The following GUK1 variants were observed in gnomAD, a reference collection of about 807,000 sequenced individuals.
The protein encoded by GUK1 is guanylate kinase.
Under a neutral mutation model 25.2 loss-of-function variants are expected in GUK1, and 18 were observed. The ratio of observed to expected loss-of-function variants is 0.71; its 90% CI spans 0.49 to 1.06. The LOEUF (loss-of-function observed/expected upper bound fraction) is 1.06. GUK1 is among the 50% of genes least tolerant of loss of function. The probability of loss-of-function intolerance (pLI) is 0.00; values close to 1 mark genes in which losing one functional copy is unlikely to be tolerated. For missense variants in GUK1, 261 were observed against 276.7 expected, an observed-to-expected ratio of 0.94 and a Z score of 0.40; for synonymous variants, 105 against 117.6, an observed-to-expected ratio of 0.89 and a Z score of 0.69.
Position 228,147,651 on chromosome 1 carries a change from G to T in GUK1, c.427G>T (p.Glu143Ter), listed in dbSNP as rs749240104. 6.2e-7 allele frequency: 1 copy of T among 1,613,062 alleles called. No individual in the cohort carries two copies. Among genetic ancestry groups the T allele is most frequent in the African/African-American group, 1.3e-5 (1 of 75,046 alleles). ...GCGGCAGCGCAACACTGAAACCGAGGAGAGCCTGGTGAAGCGGCTGGCTGC... is the reference window on the plus strand; with the variant it reads ...GCGGCAGCGCAACACTGAAACCGAGTAGAGCCTGGTGAAGCGGCTGGCTGC... The change falls in exon 7 of 9, where the codon GAG (glutamate) becomes TAG (stop). Residue 143 changes from glutamate (E) to a stop codon, truncating the protein, a stop_gained. Transcript: ENST00000312726. LOFTEE classifies it high-confidence loss of function.
chr1:228,140,249 TG>T, upstream of GUK1: 2 of 1,444,342 alleles, frequency 1.4e-6, no homozygotes, highest in South Asian at 1.2e-5. Context: ...CGGGCGGAGG[TG>T]GGCCGGTGCG....
chr1:228,145,801 C>T (rs2034336623), intron 3 of GUK1, 177 bp downstream of exon 2: 9 of 775,852 alleles, frequency 1.2e-5, no homozygotes, highest in South Asian at 5.4e-5. Context: ...TGCTGTCCTG[C>T]GTGCCTGTGT....
At chr1:228,148,051 C>T in intron 7 of GUK1, 1 of 576,658 alleles carries the variant, frequency 1.7e-6, no homozygotes, top group Non-Finnish European at 3.1e-6. Context: ...TTCTCTGGGT[C>T]TGACTGCAGC....
Position 228,147,680 on chromosome 1 carries a change from C to T in GUK1, c.456C>T (p.Ala152=), listed in dbSNP as rs758900486. ...GCCTGGTGAAGCGGCTGGCTGCTGC[C>T]CAGGCCGACATGGAGAGCAGTGAGT... The change falls in exon 7 of 9, where the codon GCC becomes GCT. Residue 152 remains alanine (A), a synonymous_variant. Transcript: ENST00000312726. The T allele has an allele frequency of 5.0e-6, 8 of 1,612,822 alleles. No individual in the cohort carries two copies. The South Asian group carries it at 7.7e-5, about 15-fold the overall frequency.
At chr1:228,148,590 C>A in intron 8 of GUK1, 75 bp from the exon 8 acceptor site, 1 of 1,438,154 alleles carries the variant, frequency 7.0e-7, no homozygotes. Context: ...CCGAGGTCCA[C>A]GGTGGAGGGA....
rs2124948622 is a variant in GUK1, at chr1:228,146,822, T to C, written c.155-20T>C. 1 of 1,549,584 alleles carries C rather than the reference T, an allele frequency of 6.5e-7. No individual in the cohort carries two copies. The highest frequency in any genetic ancestry group is 1.4e-5 in the African/African-American group (1 of 73,808). On this transcript the variant is annotated intron_variant, in intron 4 of 8. Transcript: ENST00000312726. The stretch of plus-strand genomic sequence containing the variant: ...GTGCAGGTCCAGTCTGCCCTCTGGA[T>C]GGCCCCTCCTCTTCCCCAGATTACT...
At chr1:228,140,583 G>C (rs2033988946) in intron 1 of GUK1, among the ~76,000 whole-genome samples, 1 of 152,266 alleles carries the variant, frequency 6.6e-6, no homozygotes, top group Non-Finnish European at 1.5e-5. Context: ...CGCTCCTCAG[G>C]AGCTGGGCAG....
In GUK1 at chr1:228,148,355, C is replaced by G; in HGVS notation, c.476-16C>G. ...GCATGGGCTCACTGTGCCCTGACCC[C>G]AGGCCCCACCCACAGGCAAGGAGCC... On this transcript the variant is annotated splice_polypyrimidine_tract_variant and intron_variant, in intron 7 of 8. Transcript: ENST00000312726. The G allele has an allele frequency of 1.3e-6, 2 of 1,550,952 alleles. No homozygotes were observed. The highest frequency in any genetic ancestry group is 1.8e-6 in the Non-Finnish European group (2 of 1,138,046).
rs1339060391 is a variant in GUK1 at position 228,141,213 on chromosome 1, C to T, written c.-78C>T. 1 of 984,774 alleles carries T rather than the reference C, an allele frequency of 1.0e-6. No homozygotes were observed. Among genetic ancestry groups the T allele is most frequent in the African/African-American group, 1.7e-5 (1 of 57,196 alleles). 61.0% of individuals were successfully genotyped at this position (984,774 alleles called of 1,614,324 possible). ...TTTCTCCCTGATGGACAGACCCAAA[C>T]ATAGCCGCGCAGCATCGTGAAGGGC... On this transcript the variant is annotated 5_prime_UTR_variant, in exon 2 of 9. Coordinates refer to ENST00000312726, the MANE Select transcript of GUK1 (RefSeq NM_000858.7).
rs1440522634 is a variant in GUK1, at chr1:228,146,915, C to G, written c.228C>G (p.Phe76Leu). The G allele has an allele frequency of 1.9e-6, 3 of 1,613,134 alleles. No homozygotes were observed. Among genetic ancestry groups the G allele is most frequent in the Non-Finnish European group, 2.5e-6 (3 of 1,179,248 alleles). Reference sequence around the variant, plus strand: ...GCGACTTCATCGAGCATGCCGAGTTCTCGGGGAACCTGTATGGCACGAGGT... The same window carrying G: ...GCGACTTCATCGAGCATGCCGAGTTGTCGGGGAACCTGTATGGCACGAGGT... The change falls in exon 5 of 9, where the codon TTC (phenylalanine) becomes TTG (leucine). Residue 76 changes from phenylalanine (F) to leucine (L), a missense_variant. Transcript: ENST00000312726.
In GUK1 at chr1:228,141,846, G is replaced by A. The variant is rs146831887; in HGVS notation, c.-3+558G>A. On this transcript the variant is annotated intron_variant, in intron 2 of 8. Transcript: ENST00000312726. ...GCCTGGCAGGTCCTTACAGTTGTGG[G>A]TTGTGTGGCTTCTTGCCAGGCAGCT... The A allele has an allele frequency of 1.8e-3, 2,003 of 1,139,904 alleles. 38 individuals are homozygous for A. In the Admixed American group the frequency reaches 0.032, roughly 18 times the overall value. 70.6% of individuals were successfully genotyped at this position (1,139,904 alleles called of 1,614,324 possible).
chr1:228,148,264 C>T (rs924423829), intron 7 of GUK1, 107 bp from the exon 7 acceptor site: 3 of 835,136 alleles, frequency 3.6e-6, no homozygotes, highest in East Asian at 2.6e-5. Context: ...TGTCCCACAG[C>T]CGCAGTGAGG....
upstream of GUK1, chr1:228,140,127 C>A (rs368798661): frequency 8.5e-6 from 5 of 590,066 alleles, no homozygotes; most frequent in African/African-American, 7.9e-5. Context: ...GACAGGCCAG[C>A]GCAGGTGGAG....
chr1:228,145,756 T>C, intron 3 of GUK1, 132 bp downstream of exon 2: 1 of 1,075,722 alleles, frequency 9.3e-7, no homozygotes, highest in Non-Finnish European at 1.3e-6. Context: ...TCTTGCACAC[T>C]CCCCCCCACA....
Position 228,147,710 on chromosome 1 carries a change from C to T in GUK1, c.475+11C>T, listed in dbSNP as rs368267590. ...CCGACATGGAGAGCAGTGAGTGTGCCGTGGGATCACCAGGGAATGCCAGGA... is the reference window on the plus strand; with the variant it reads ...CCGACATGGAGAGCAGTGAGTGTGCTGTGGGATCACCAGGGAATGCCAGGA... On this transcript the variant is annotated intron_variant, in intron 7 of 8. Transcript: ENST00000312726. The T allele has an allele frequency of 4.4e-5, 71 of 1,610,412 alleles. No homozygotes were observed. Among genetic ancestry groups the T allele is most frequent in the Admixed American group, 1.8e-4 (11 of 59,902 alleles).
intron 2 of GUK1, chr1:228,144,681 GCAC>G (rs2034269618): frequency 2.7e-5 from 26 of 980,040 alleles, no homozygotes; most frequent in Non-Finnish European, 3.0e-5. Context: ...TAGGGACTCA[GCAC>G]CCCCAGCTCT....
intron 8 of GUK1, 70 bp downstream of exon 7, chr1:228,148,526 A>G (rs1203870970): frequency 2.1e-6 from 3 of 1,404,806 alleles, no homozygotes; most frequent in Middle Eastern, 1.8e-4. Flanking sequence ...TTTGTTGTCC[A>G]TGAGGCCACT....
At chr1:228,142,888 G>A (rs1276080931) in intron 2 of GUK1, among the ~76,000 whole-genome samples, 1 of 151,794 alleles carries the variant, frequency 6.6e-6, no homozygotes, top group Non-Finnish European at 1.5e-5. Context: ...TTCTGAGGAC[G>A]CAAAAACTCC....
chr1:228,140,342 C>G lies in GUK1; in HGVS notation c.-189C>G. The G allele has an allele frequency of 2.0e-6, 3 of 1,526,304 alleles. No homozygotes were observed. The South Asian group carries it at 3.6e-5, about 18-fold the overall frequency. 94.5% of individuals were successfully genotyped at this position (1,526,304 alleles called of 1,614,324 possible). ...GCTGGCCGGGCTGGCTGCGGCCGCC[C>G]TGGGCCGGGCCCCACCGGACGGTGA... On this transcript the variant is annotated 5_prime_UTR_variant, in exon 1 of 9. Transcript: ENST00000312726.
Sources: gnomAD v4.1 joint callset for allele counts (sites outside exome capture counted in the v4.1 genomes callset) on GRCh38, gnomAD v4.1.1 for gene constraint, MANE v1.5 for transcripts, NCBI Gene and HGNC (gene_info 2026-07-23, HGNC 2026-07-21) for gene names.